Variants in GEMIN5 observed in about 807,000 individuals in gnomAD.
The protein encoded by GEMIN5 is gem-associated protein 5.
In GEMIN5, 124 loss-of-function variants were observed where a neutral mutation model predicts 176.9. That is an observed-to-expected ratio of 0.70 (90% confidence interval 0.61 to 0.81). GEMIN5 has a LOEUF of 0.81. Ranked by LOEUF, GEMIN5 falls within the 40% of genes least tolerant of loss-of-function variation. The probability of loss-of-function intolerance (pLI) is 0.00; values close to 1 mark genes in which losing one functional copy is unlikely to be tolerated. For synonymous variants in GEMIN5, 673 were observed against 665.2 expected (o/e 1.01, Z -0.18); for missense variants, 1,843 against 1,814.6 (o/e 1.02, Z -0.28).
chr5:154,899,237 C>T lies in GEMIN5; in HGVS notation c.3088G>A (p.Gly1030Arg). Residue 1030 changes from glycine (G) to arginine (R), a missense_variant, in exon 22 of 28, where the codon GGA becomes AGA. Physicochemically the swap from Gly to Arg is moderately radical, Grantham distance 125 (BLOSUM62 -2). Coordinates refer to ENST00000285873, the MANE Select transcript of GEMIN5 (RefSeq NM_015465.5). The stretch of plus-strand genomic sequence containing the variant: ...TGGCCATCTCTTTCTAGGACGGTTC[C>T]CCAGCTGAGGTACAAGTCCTTCAGG... ...PVLKDLYLSW[G>R]TVLERDGHYA... 1 of 1,613,508 alleles carries T rather than the reference C, an allele frequency of 6.2e-7. No individual in the cohort carries two copies. The highest frequency in any genetic ancestry group is 8.5e-7 in the Non-Finnish European group (1 of 1,179,706).
chr5:154,931,648 AAG>A (rs769115699), intron 4 of GEMIN5, 71 bp from the exon 5 acceptor site: 4 of 1,313,108 alleles, frequency 3.0e-6, no homozygotes, highest in South Asian at 1.4e-5. Context: ...ATTAGTTTGC[AAG>A]AGTTTCCAAA....
chr5:154,927,412 T>C lies in GEMIN5; in HGVS notation c.1053A>G (p.Leu351=), dbSNP rs2258437. The part of the protein sequence containing the change: ...CPLQTEDDKQ[L]LLSTSMDRDV... ...CTCTATCCATTGATGTAGAAAGTAA[T>C]AGCTGTTTGTCATCCTCTGTTTGTA... The change falls in exon 7 of 28, where the codon CTA becomes CTG. Residue 351 remains leucine (L), a synonymous_variant. Transcript: ENST00000285873. 0.89 allele frequency: 1,414,705 copies of C among 1,585,562 alleles called. 633,785 individuals are homozygous for C. Among genetic ancestry groups the C allele is most frequent in the Non-Finnish European group, 0.91 (1,054,233 of 1,154,352 alleles).
In GEMIN5 at chr5:154,887,685, T is replaced by C. The variant is rs1241112330; in HGVS notation, c.*525A>G. On this transcript the variant is annotated 3_prime_UTR_variant, in exon 28 of 28. Transcript: ENST00000285873. The stretch of plus-strand genomic sequence containing the variant: ...GAGAGTCAACATGATGGTTAAGGCC[T>C]ATTTCATATTCAAACTTCAGTCTAT... 6.6e-6 allele frequency: 1 copy of C among 152,626 alleles called. No homozygotes were observed. The allele number at this position is 152,626 out of a possible 1,614,324, so 9.5% of individuals were successfully genotyped here.
chr5:154,917,752 T>C (rs1763841851), intron 12 of GEMIN5, among the ~76,000 whole-genome samples, 179 bp downstream of exon 12: 1 of 152,170 alleles, frequency 6.6e-6, no homozygotes, highest in Non-Finnish European at 1.5e-5. Context: ...AATATCTAAA[T>C]AATTCTGTAG....
Position 154,888,001 on chromosome 5 carries a change from C to T in GEMIN5, c.*209G>A. ...CTGTGGGCTTTTCATGATCTTCCCTCCAGTAGGAGACCACAATTGAGTCTA... is the reference window on the plus strand; with the variant it reads ...CTGTGGGCTTTTCATGATCTTCCCTTCAGTAGGAGACCACAATTGAGTCTA... On this transcript the variant is annotated 3_prime_UTR_variant, in exon 28 of 28. Transcript: ENST00000285873. 1.8e-6 allele frequency: 1 copy of T among 546,990 alleles called. No individual in the cohort carries two copies. The highest frequency in any genetic ancestry group is 3.3e-6 in the Non-Finnish European group (1 of 307,038). 33.9% of individuals were successfully genotyped at this position (546,990 alleles called of 1,614,324 possible). A position where few individuals can be genotyped will look rare whatever the true frequency, so the allele number is the denominator to read the frequency against.
rs546263746 is a variant in GEMIN5, at chr5:154,896,208, T to C, written c.3481A>G (p.Thr1161Ala). Residue 1161 changes from threonine to alanine, a missense_variant, in exon 24 of 28, where the codon ACT (threonine) becomes GCT (alanine). Coordinates refer to ENST00000285873, the MANE Select transcript of GEMIN5 (RefSeq NM_015465.5). ...GTEGPFVERV[T>A]AVWKSIFSLD... ...CTGAAGATGCTCTTCCACACTGCAG[T>C]CACCCTCTCCACGAAAGGCCCTTCG... 1.2e-6 allele frequency: 2 copies of C among 1,613,970 alleles called. No individual in the cohort carries two copies. The highest frequency in any genetic ancestry group is 2.7e-5 in the African/African-American group (2 of 75,044).
At chr5:154,895,921 G>GT (rs1459501860) in intron 24 of GEMIN5, among the ~76,000 whole-genome samples, 171 bp downstream of exon 24, 1 of 152,138 alleles carries the variant, frequency 6.6e-6, no homozygotes, top group Admixed American at 6.6e-5. Context: ...TAACTTTAAA[G>GT]TTAAAGGGCT....
intron 15 of GEMIN5, among the ~76,000 whole-genome samples, chr5:154,909,470 C>T (rs1054932175): frequency 2.0e-5 from 3 of 151,984 alleles, no homozygotes; most frequent in Non-Finnish European, 4.4e-5. Flanking sequence ...AGGTTTTTAT[C>T]CTTTGCTTAC....
Position 154,888,104 on chromosome 5 carries a change from G to A in GEMIN5, c.*106C>T. ...CTTGTTTGTATTCTTTTGGATTACT[G>A]CAAAAACATCTAGGGACCAGAGTGA... On this transcript the variant is annotated 3_prime_UTR_variant, in exon 28 of 28. Coordinates refer to ENST00000285873, the MANE Select transcript of GEMIN5 (RefSeq NM_015465.5). The A allele has an allele frequency of 2.8e-6, 3 of 1,078,750 alleles. No homozygotes were observed. The highest frequency in any genetic ancestry group is 4.2e-6 in the Non-Finnish European group (3 of 715,902). 66.8% of individuals were successfully genotyped at this position (1,078,750 alleles called of 1,614,324 possible). A position where few individuals can be genotyped will look rare whatever the true frequency, so the allele number is the denominator to read the frequency against.
At chr5:154,937,464 A>C (rs1316849823) in intron 1 of GEMIN5, among the ~76,000 whole-genome samples, 1 of 152,212 alleles carries the variant, frequency 6.6e-6, no homozygotes, top group Non-Finnish European at 1.5e-5. Context: ...AGCTCAAATA[A>C]TGTGAAAGTG....
Position 154,896,257 on chromosome 5 carries a change from A to G in GEMIN5, c.3432T>C (p.Ser1144=). Residue 1144 remains serine (S), a synonymous_variant, in exon 24 of 28, where the codon TCT becomes TCC. Coordinates refer to ENST00000285873, the MANE Select transcript of GEMIN5 (RefSeq NM_015465.5). ...CGGTGCCCGTGTTCCAAGTGTGGTAAGAGGAGGAGCTTTTGCCCTCTGAAA... is the reference window on the plus strand; with the variant it reads ...CGGTGCCCGTGTTCCAAGTGTGGTAGGAGGAGGAGCTTTTGCCCTCTGAAA... The part of the protein sequence containing the change: ...KQLSEGKSSS[S]YHTWNTGTEG... 6.2e-7 allele frequency: 1 copy of G among 1,613,748 alleles called. No homozygotes were observed. Among genetic ancestry groups the G allele is most frequent in the East Asian group, 2.2e-5 (1 of 44,848 alleles).
At chr5:154,914,363 A>T (rs1763771193) in intron 13 of GEMIN5, among the ~76,000 whole-genome samples, 1 of 152,146 alleles carries the variant, frequency 6.6e-6, no homozygotes, top group East Asian at 1.9e-4. Flanking sequence ...ATTATAGATG[A>T]AAGGAGACTA....
intron 5 of GEMIN5, among the ~76,000 whole-genome samples, chr5:154,929,868 G>A (rs182168952): frequency 1.3e-5 from 2 of 152,204 alleles, no homozygotes; most frequent in East Asian, 3.9e-4. Context: ...AAACTATCAT[G>A]GTTTCAAATA....
rs1395485249 is a variant in GEMIN5 at position 154,903,153 on chromosome 5, A to G, written c.2655T>C (p.Ala885=). 6.2e-7 allele frequency: 1 copy of G among 1,611,994 alleles called. No homozygotes were observed. Among genetic ancestry groups the G allele is most frequent in the South Asian group, 1.1e-5 (1 of 91,054 alleles). Residue 885 remains alanine (A), a synonymous_variant, in exon 19 of 28, where the codon GCT becomes GCC. Coordinates refer to ENST00000285873, the MANE Select transcript of GEMIN5 (RefSeq NM_015465.5). ...CCAGATGAAATCTTTCCTCAACATC[A>G]GCAGACACATCTTCATTCAGCTCTG... The part of the protein sequence containing the change: ...HSRELNEDVS[A]DVEERFHLGL...
chr5:154,921,229 A>C (rs1476940922), intron 10 of GEMIN5, 114 bp downstream of exon 10: 1 of 658,888 alleles, frequency 1.5e-6, no homozygotes, highest in South Asian at 1.7e-5. Flanking sequence ...TAAGTAGCCC[A>C]CATAAGCAGT....
chr5:154,907,610 G>C lies in GEMIN5; in HGVS notation c.2376C>G (p.Pro792=). 6.2e-7 allele frequency: 1 copy of C among 1,613,840 alleles called. No homozygotes were observed. Among genetic ancestry groups the C allele is most frequent in the Non-Finnish European group, 8.5e-7 (1 of 1,179,712 alleles). The change falls in exon 16 of 28, where the codon CCC becomes CCG. Residue 792 remains proline, a synonymous_variant. Transcript: ENST00000285873. ...GEEQAREPEL[P]CGLAPAVSRE... is the part of the protein sequence containing the mutation. ...ACATACCCGCTGGAGCAAGGCCACA[G>C]GGTAATTCCGGCTCCCGTGCTTGCT...
intron 24 of GEMIN5, among the ~76,000 whole-genome samples, chr5:154,892,905 T>C (rs1482525886): frequency 1.3e-5 from 2 of 152,000 alleles, no homozygotes; most frequent in East Asian, 3.9e-4. Flanking sequence ...AAGACCAGCC[T>C]GGCCAACATG....
chr5:154,929,570 A>G (rs954414424), intron 5 of GEMIN5, among the ~76,000 whole-genome samples: 1 of 152,224 alleles, frequency 6.6e-6, no homozygotes, highest in Non-Finnish European at 1.5e-5. Context: ...GGTGGGGTAC[A>G]AGAACCTACA....
Position 154,937,121 on chromosome 5 carries a change from A to G in GEMIN5, c.231T>C (p.Gly77=). ...AGCTGGTGGCACAGAGGTTGTACTGACCAGGGTGATGAGAAAATGTGAAGC... is the reference window on the plus strand; with the variant it reads ...AGCTGGTGGCACAGAGGTTGTACTGGCCAGGGTGATGAGAAAATGTGAAGC... ...VSGFTFSHHP[G]QYNLCATSSD... Residue 77 remains glycine (G), a synonymous_variant, in exon 2 of 28, where the codon GGT becomes GGC. Transcript: ENST00000285873. 1 of 1,613,844 alleles carries G rather than the reference A, an allele frequency of 6.2e-7. No homozygotes were observed. Among genetic ancestry groups the G allele is most frequent in the Non-Finnish European group, 8.5e-7 (1 of 1,179,758 alleles).
Sources: gnomAD v4.1 joint callset for allele counts (sites outside exome capture counted in the v4.1 genomes callset) on GRCh38, gnomAD v4.1.1 for gene constraint, MANE v1.5 for transcripts, NCBI Gene and HGNC (gene_info 2026-07-23, HGNC 2026-07-21) for gene names.